NRXN1: variants seen among roughly 807,000 people sequenced by gnomAD.
NRXN1 encodes neurexin-1.
In NRXN1, 39 loss-of-function variants were observed where a neutral mutation model predicts 150.9. The ratio of observed to expected loss-of-function variants is 0.26; its 90% CI spans 0.20 to 0.34. The LOEUF (loss-of-function observed/expected upper bound fraction) is 0.34, where lower values mean the gene tolerates loss of function less well. Ranked by LOEUF, NRXN1 falls within the 10% of genes least tolerant of loss-of-function variation. NRXN1 has a pLI of 1.00. For synonymous variants in NRXN1, 924 were observed against 757.0 expected (o/e 1.22, Z -3.62); for missense variants, 1,815 against 1,949.9 (o/e 0.93, Z 1.30).
chr2:49,978,684 GA>G (rs1326274104), intron 21 of NRXN1, among the ~76,000 whole-genome samples: 1 of 135,094 alleles, frequency 7.4e-6, no homozygotes, highest in African/African-American at 2.8e-5. Context: ...GAGAGAGAGA[GA>G]GATAGCCATA....
At chr2:50,790,494 A>G (rs1705788032) in intron 5 of NRXN1, among the ~76,000 whole-genome samples, 2 of 152,082 alleles carry the variant, frequency 1.3e-5, no homozygotes, top group Admixed American at 6.6e-5. Context: ...GGTGGCAGGT[A>G]CCTGTAACCC....
At chr2:50,849,166 C>T (rs190401275) in intron 5 of NRXN1, among the ~76,000 whole-genome samples, 4 of 152,228 alleles carry the variant, frequency 2.6e-5, no homozygotes, top group Admixed American at 2.0e-4. Context: ...CTACGTAACT[C>T]GGAATTTAAT....
At chr2:50,545,420 C>G (rs1396098225) in intron 9 of NRXN1, among the ~76,000 whole-genome samples, 1 of 152,068 alleles carries the variant, frequency 6.6e-6, no homozygotes, top group African/African-American at 2.4e-5. Context: ...GTCACTAGGT[C>G]CGCGTGTGGT....
chr2:50,598,568 G>C (rs547476682), intron 8 of NRXN1, among the ~76,000 whole-genome samples: 51 of 149,336 alleles, frequency 3.4e-4, no homozygotes, highest in Middle Eastern at 3.6e-3. Context: ...ATATATGTGT[G>C]TGTGTGTGTG....
chr2:50,668,765 T>C (rs1260349816), intron 5 of NRXN1, among the ~76,000 whole-genome samples: 1 of 152,008 alleles, frequency 6.6e-6, no homozygotes, highest in East Asian at 1.9e-4. Context: ...TTACAGAGCA[T>C]GTGTATCAGT....
intron 5 of NRXN1, among the ~76,000 whole-genome samples, chr2:50,771,469 T>C (rs1369705228): frequency 6.6e-6 from 1 of 152,126 alleles, no homozygotes; most frequent in East Asian, 1.9e-4. Flanking sequence ...TGAGCTAAAC[T>C]GTCAGTAGAA....
At chr2:50,040,472 T>C (rs1014354718) in intron 21 of NRXN1, among the ~76,000 whole-genome samples, 4 of 151,936 alleles carry the variant, frequency 2.6e-5, no homozygotes, top group African/African-American at 9.7e-5. Flanking sequence ...TCCAGGATTG[T>C]ATAAGTATTG....
intron 18 of NRXN1, among the ~76,000 whole-genome samples, chr2:50,141,119 C>T (rs1332921671): frequency 2.6e-5 from 4 of 151,944 alleles, no homozygotes; most frequent in African/African-American, 7.2e-5. Context: ...GTAAGACGTA[C>T]ACTCTATGAC....
chr2:50,258,099 A>C (rs2067889033), intron 17 of NRXN1, among the ~76,000 whole-genome samples: 1 of 151,932 alleles, frequency 6.6e-6, no homozygotes, highest in African/African-American at 2.4e-5. Flanking sequence ...GTGCTTACTG[A>C]TTAGGGTGGT....
intron 2 of NRXN1, among the ~76,000 whole-genome samples, chr2:50,939,670 G>C (rs183914775): frequency 1.3e-5 from 2 of 152,196 alleles, no homozygotes; most frequent in Admixed American, 6.5e-5. Flanking sequence ...ACTTAAACTA[G>C]TCACCATGGT....
At chr2:50,514,576 A>C (rs1558863905) in intron 12 of NRXN1, among the ~76,000 whole-genome samples, 2 of 152,242 alleles carry the variant, frequency 1.3e-5, no homozygotes, top group Non-Finnish European at 2.9e-5. Flanking sequence ...AAAGGGCCAG[A>C]CAGTAAATTT....
At chr2:50,085,421 G>GA (rs1473804461) in intron 19 of NRXN1, among the ~76,000 whole-genome samples, 19 of 152,032 alleles carry the variant, frequency 1.2e-4, no homozygotes, top group African/African-American at 4.6e-4. Context: ...ACTTTTAGAG[G>GA]AAGGAAAAAA....
chr2:50,305,847 C>G (rs2152958388), intron 17 of NRXN1, among the ~76,000 whole-genome samples: 1 of 152,292 alleles, frequency 6.6e-6, no homozygotes, highest in South Asian at 2.1e-4. Context: ...AAAAGCTATC[C>G]CTTCTTTTCC....
intron 5 of NRXN1, among the ~76,000 whole-genome samples, chr2:50,848,224 GC>G (rs1673978376): frequency 6.6e-6 from 1 of 152,120 alleles, no homozygotes; most frequent in Non-Finnish European, 1.5e-5. Context: ...GAAGCAGCCA[GC>G]CACATCCCCA....
chr2:50,619,759 C>A (rs1329764877), intron 8 of NRXN1: 2 of 414,236 alleles, frequency 4.8e-6, no homozygotes, highest in Non-Finnish European at 4.3e-6. Flanking sequence ...GTTTGACTTT[C>A]TTTTATAGCT....
At chr2:50,212,335 T>C (rs17508400) in intron 18 of NRXN1, among the ~76,000 whole-genome samples, 8,435 of 149,960 alleles carry the variant, frequency 0.056, 286 homozygotes, top group Middle Eastern at 0.11. Flanking sequence ...CTAGAAAAGA[T>C]ATCAACACTT....
At chr2:50,342,878 C>A (rs2077654540) in intron 17 of NRXN1, among the ~76,000 whole-genome samples, 1 of 152,186 alleles carries the variant, frequency 6.6e-6, no homozygotes, top group Non-Finnish European at 1.5e-5. Flanking sequence ...CGTCTTTTGG[C>A]CCATTTATGG....
chr2:50,337,865 G>A (rs114405464), intron 17 of NRXN1, among the ~76,000 whole-genome samples: 1,630 of 152,220 alleles, frequency 0.011, 26 homozygotes, highest in African/African-American at 0.037. Flanking sequence ...AATGTTAACA[G>A]TACAAATAGA....
intron 18 of NRXN1, among the ~76,000 whole-genome samples, chr2:50,220,053 TC>T (rs960503114): frequency 4.5e-5 from 6 of 133,546 alleles, no homozygotes; most frequent in African/African-American, 1.7e-4. Context: ...AATAAGTGGC[TC>T]TCATATGAGC....
Sources: gnomAD v4.1 joint callset for allele counts (sites outside exome capture counted in the v4.1 genomes callset) on GRCh38, gnomAD v4.1.1 for gene constraint, MANE v1.5 for transcripts, NCBI Gene and HGNC (gene_info 2026-07-23, HGNC 2026-07-21) for gene names.